MOV10L1: variants seen among roughly 807,000 people sequenced by gnomAD.
MOV10L1 encodes the protein RNA helicase Mov10l1.
A neutral mutation model predicts 143.8 loss-of-function variants in MOV10L1; 110 were observed. The observed-to-expected ratio is 0.76, with a 90% CI of 0.66 to 0.90. The LOEUF (loss-of-function observed/expected upper bound fraction) is 0.90, where lower values mean the gene tolerates loss of function less well. MOV10L1 is among the 40% of genes least tolerant of loss of function. The pLI, the probability that MOV10L1 is intolerant of heterozygous loss-of-function variation, is 0.00. For missense variants in MOV10L1, 1,406 were observed against 1,526.8 expected, an observed-to-expected ratio of 0.92 and a Z score of 1.32; for synonymous variants, 593 against 581.1, an observed-to-expected ratio of 1.02 and a Z score of -0.29.
chr22:50,133,486 G>T (rs1221680425), intron 13 of MOV10L1, among the ~76,000 whole-genome samples: 1 of 146,942 alleles, frequency 6.8e-6, no homozygotes, highest in Non-Finnish European at 1.5e-5. Flanking sequence ...GAAAGAATGG[G>T]TGTGGGATTT....
At chr22:50,105,681 G>C (rs1222306447) in intron 3 of MOV10L1, among the ~76,000 whole-genome samples, 2 of 152,182 alleles carry the variant, frequency 1.3e-5, no homozygotes, top group African/African-American at 4.8e-5. Flanking sequence ...CACTTAAAAA[G>C]AAAGTAAAAG....
intron 18 of MOV10L1, 121 bp from the exon 19 acceptor site, chr22:50,145,568 G>GA (rs2063130824): frequency 2.3e-6 from 3 of 1,319,840 alleles, no homozygotes; most frequent in African/African-American, 1.5e-5. Flanking sequence ...GATATTTTGA[G>GA]AAAAAAACCT....
At chr22:50,141,227 A>G (rs1474730224) in intron 15 of MOV10L1, among the ~76,000 whole-genome samples, 1 of 152,144 alleles carries the variant, frequency 6.6e-6, no homozygotes, top group Admixed American at 6.5e-5. Flanking sequence ...TAGTAAAGAC[A>G]GGGTTTCACC....
At chr22:50,107,136 G>A (rs978071848) in intron 3 of MOV10L1, among the ~76,000 whole-genome samples, 2 of 148,906 alleles carry the variant, frequency 1.3e-5, no homozygotes, top group African/African-American at 2.5e-5. Flanking sequence ...GTGCAGTGGC[G>A]TGATCTCAGC....
chr22:50,144,165 G>A lies in MOV10L1; in HGVS notation c.2427G>A (p.Val809=), dbSNP rs752353087. 3.1e-6 allele frequency: 5 copies of A among 1,613,510 alleles called. No homozygotes were observed. The East Asian group carries it at 8.9e-5, about 29-fold the overall frequency. ...CCTCCAACAGTGCTGCTGACCTCGTGTGTCTGCGGCTGCACGAGAGCAAGG... is the reference window on the plus strand; with the variant it reads ...CCTCCAACAGTGCTGCTGACCTCGTATGTCTGCGGCTGCACGAGAGCAAGG... The part of the protein sequence containing the change: ...CAPSNSAADL[V]CLRLHESKVL... Residue 809 remains valine, a synonymous_variant, in exon 18 of 27, where the codon GTG becomes GTA. Coordinates refer to ENST00000262794, the MANE Select transcript of MOV10L1 (RefSeq NM_018995.3).
intron 3 of MOV10L1, among the ~76,000 whole-genome samples, chr22:50,100,795 A>G (rs575340653): frequency 2.6e-5 from 4 of 151,694 alleles, no homozygotes; most frequent in South Asian, 2.1e-4. Flanking sequence ...GTGAGCCACC[A>G]CTCCCGGCTT....
chr22:50,134,071 A>G lies in MOV10L1; in HGVS notation c.1969+6A>G. ...CATCCACTTAGGTGTAAAAGGTATT[A>G]CTTTTATAGAATGATAGTGTTACAT... On this transcript the variant is annotated splice_donor_region_variant and intron_variant, in intron 14 of 26. Coordinates refer to ENST00000262794, the MANE Select transcript of MOV10L1 (RefSeq NM_018995.3). 1 of 1,600,744 alleles carries G rather than the reference A, an allele frequency of 6.2e-7. No homozygotes were observed. Among genetic ancestry groups the G allele is most frequent in the East Asian group, 2.2e-5 (1 of 44,668 alleles).
chr22:50,128,604 G>T (rs538657070), intron 13 of MOV10L1, 97 bp downstream of exon 13: 44 of 674,334 alleles, frequency 6.5e-5, no homozygotes, highest in Non-Finnish European at 9.7e-5. Context: ...GATTTCAGTG[G>T]CGCAATCTCG....
intron 3 of MOV10L1, among the ~76,000 whole-genome samples, chr22:50,102,176 A>T (rs1602137697): frequency 6.6e-6 from 1 of 152,224 alleles, no homozygotes; most frequent in East Asian, 1.9e-4. Context: ...ACACTCAGAC[A>T]TGTCAGAATT....
intron 5 of MOV10L1, among the ~76,000 whole-genome samples, chr22:50,109,358 C>G (rs890056092): frequency 6.6e-6 from 1 of 151,674 alleles, no homozygotes; most frequent in Admixed American, 6.6e-5. Flanking sequence ...GACCCCATCT[C>G]TACAAAACAT....
chr22:50,108,260 A>G lies in MOV10L1; in HGVS notation c.555+12A>G. The G allele has an allele frequency of 3.1e-6, 5 of 1,603,430 alleles. No homozygotes were observed. The highest frequency in any genetic ancestry group is 4.3e-6 in the Non-Finnish European group (5 of 1,174,348). On this transcript the variant is annotated intron_variant, in intron 4 of 26. Transcript: ENST00000262794. ...AGCGCGTGGACAAGGTAGCGTGCCG[A>G]CTAGTGGCTCCTCTCTGTGCTTCTG... is the stretch of plus-strand genomic sequence containing the variant.
chr22:50,143,987 C>T (rs575421569), intron 17 of MOV10L1, 110 bp from the exon 18 acceptor site: 2 of 1,385,836 alleles, frequency 1.4e-6, no homozygotes, highest in South Asian at 1.4e-5. Flanking sequence ...GGCATCTGAG[C>T]CCATGCAGCT....
intron 18 of MOV10L1, 130 bp from the exon 19 acceptor site, chr22:50,145,559 A>G (rs1226701166): frequency 6.9e-6 from 8 of 1,164,036 alleles, no homozygotes; most frequent in Non-Finnish European, 9.8e-6. Flanking sequence ...GAAGTATGAG[A>G]TATTTTGAGA....
At chr22:50,146,928 G>T (rs1055285008) in intron 19 of MOV10L1, 1 of 770,252 alleles carries the variant, frequency 1.3e-6, no homozygotes, top group African/African-American at 1.7e-5. Context: ...TACACTTAGA[G>T]CATGTCAGGT....
At chr22:50,126,174 T>C in intron 11 of MOV10L1, 28 bp from the exon 12 acceptor site, 1 of 1,493,892 alleles carries the variant, frequency 6.7e-7, no homozygotes, top group Non-Finnish European at 9.3e-7. Flanking sequence ...GTGTTAGCTT[T>C]AAACATGGTA....
chr22:50,144,905 A>C (rs1254568382), intron 18 of MOV10L1, among the ~76,000 whole-genome samples: 2 of 151,634 alleles, frequency 1.3e-5, no homozygotes, highest in African/African-American at 4.8e-5. Context: ...GTATTCCTTT[A>C]AGTTGCTGGT....
At chr22:50,151,335 C>T (rs1283498848) in intron 21 of MOV10L1, among the ~76,000 whole-genome samples, 1 of 152,212 alleles carries the variant, frequency 6.6e-6, no homozygotes, top group African/African-American at 2.4e-5. Flanking sequence ...GCTTGGGCCT[C>T]CAGGGCCCAT....
chr22:50,125,777 G>GT (rs1334250715), intron 11 of MOV10L1, among the ~76,000 whole-genome samples: 3 of 151,780 alleles, frequency 2.0e-5, no homozygotes, highest in Non-Finnish European at 2.9e-5. Context: ...CCCCAGTAAT[G>GT]TTTTTGTTTG....
chr22:50,115,601 A>T (rs188983815), intron 8 of MOV10L1, among the ~76,000 whole-genome samples: 1 of 152,308 alleles, frequency 6.6e-6, no homozygotes, highest in African/African-American at 2.4e-5. Context: ...GAATCCTAAG[A>T]AAAAGCATTG....
Sources: gnomAD v4.1 joint callset for allele counts (sites outside exome capture counted in the v4.1 genomes callset) on GRCh38, gnomAD v4.1.1 for gene constraint, MANE v1.5 for transcripts, NCBI Gene and HGNC (gene_info 2026-07-23, HGNC 2026-07-21) for gene names.